Variants in UBE2L3 observed in about 807,000 individuals in gnomAD.
UBE2L3 encodes the protein ubiquitin-conjugating enzyme E2 L3.
Under a neutral mutation model 17.8 loss-of-function variants are expected in UBE2L3, and 1 was observed. The ratio of observed to expected loss-of-function variants is 0.06; its 90% confidence interval spans 0.02 to 0.27. The LOEUF (loss-of-function observed/expected upper bound fraction) is 0.27, where lower values mean the gene tolerates loss of function less well. Among genes scored for constraint, UBE2L3 ranks in the 10% least tolerant of loss-of-function variants. UBE2L3 has a pLI of 1.00. For missense variants in UBE2L3, 40 were observed against 192.6 expected, an observed-to-expected ratio of 0.21 and a Z score of 4.69; for synonymous variants, 44 against 68.5, an observed-to-expected ratio of 0.64 and a Z score of 1.76.
At chr22:21,614,217 A>G (rs563978652) in intron 3 of UBE2L3, among the ~76,000 whole-genome samples, 2 of 152,258 alleles carry the variant, frequency 1.3e-5, no homozygotes, top group East Asian at 3.9e-4. Context: ...ACTGCTGTTC[A>G]GCTGCCACTG....
intron 1 of UBE2L3, among the ~76,000 whole-genome samples, chr22:21,555,993 G>A (rs1926211678): frequency 6.6e-6 from 1 of 152,204 alleles, no homozygotes. Flanking sequence ...CCAGCCCTTT[G>A]GGAGGCGGGG....
chr22:21,586,067 C>T (rs1358973025), intron 1 of UBE2L3, among the ~76,000 whole-genome samples: 3 of 152,034 alleles, frequency 2.0e-5, no homozygotes, highest in African/African-American at 7.2e-5. Flanking sequence ...TCCTGAGTAG[C>T]TGGGACCACA....
chr22:21,587,336 A>G (rs1247051065), intron 1 of UBE2L3, among the ~76,000 whole-genome samples: 4 of 152,044 alleles, frequency 2.6e-5, no homozygotes, highest in Non-Finnish European at 5.9e-5. Flanking sequence ...GACTACAGGC[A>G]GGCGCCACCA....
chr22:21,603,216 G>T (rs566520111), intron 2 of UBE2L3, among the ~76,000 whole-genome samples: 3 of 152,038 alleles, frequency 2.0e-5, no homozygotes, highest in South Asian at 2.1e-4. Context: ...TTTAAAACCG[G>T]TATCTTTCTT....
intron 1 of UBE2L3, among the ~76,000 whole-genome samples, chr22:21,571,657 C>T (rs773591524): frequency 2.3e-4 from 35 of 152,206 alleles, no homozygotes; most frequent in Non-Finnish European, 4.7e-4. Context: ...CCGCCGAGGC[C>T]TCCCGAAGTG....
At chr22:21,609,426 T>C (rs1351264902) in intron 2 of UBE2L3, among the ~76,000 whole-genome samples, 1 of 152,004 alleles carries the variant, frequency 6.6e-6, no homozygotes, top group South Asian at 2.1e-4. Context: ...AAGAAATGAG[T>C]CTGGGTGCAG....
chr22:21,611,784 A>G (rs1225853808), intron 3 of UBE2L3, among the ~76,000 whole-genome samples: 1 of 152,192 alleles, frequency 6.6e-6, no homozygotes, highest in Non-Finnish European at 1.5e-5. Flanking sequence ...TTTCTTTTGA[A>G]GTCCTAATCT....
intron 3 of UBE2L3, among the ~76,000 whole-genome samples, chr22:21,616,929 G>C (rs965728077): frequency 6.6e-6 from 1 of 151,450 alleles, no homozygotes. Context: ...AGAACAAAAG[G>C]GCCAGGCACG....
At chr22:21,563,009 C>G (rs937868292), upstream of UBE2L3, among the ~76,000 whole-genome samples, 2 of 151,348 alleles carry the variant, frequency 1.3e-5, no homozygotes, top group African/African-American at 4.9e-5. Flanking sequence ...TTTGGGAGGC[C>G]GAAATGGGCG....
chr22:21,565,971 C>CTT (rs527289152), upstream of UBE2L3, among the ~76,000 whole-genome samples: 1,362 of 122,632 alleles, frequency 0.011, 34 homozygotes, highest in African/African-American at 0.034. Flanking sequence ...CAGAGTACTC[C>CTT]TTTTTTTTTT....
rs535598910 is a variant in UBE2L3 at position 21,599,752 on chromosome 22, G to A, written c.123+6796G>A. Among the ~76,000 whole-genome samples, 7 of 152,284 alleles carry A rather than the reference G, an allele frequency of 4.6e-5. No homozygotes were observed. In the South Asian group the frequency reaches 8.3e-4, roughly 18 times the overall value. ...TTGGGCTGTGCAGCAGAGGCCTGAC[G>A]GCATCCTGGGGAATGGGGTGTCTGG... On this transcript the variant is annotated intron_variant, in intron 2 of 3. Coordinates refer to ENST00000342192, the MANE Select transcript of UBE2L3 (RefSeq NM_003347.4).
intron 2 of UBE2L3, among the ~76,000 whole-genome samples, chr22:21,597,775 ATTTTTTTTTTTTTTTT>A (rs35054754): frequency 3.9e-5 from 1 of 25,554 alleles, no homozygotes; most frequent in Non-Finnish European, 6.9e-5. Flanking sequence ...TTATATGTAG[ATTTTTTTTTTTTTTTT>A]TTTTTTTTTT....
chr22:21,561,646 A>G (rs1488896057), intron 1 of UBE2L3, among the ~76,000 whole-genome samples: 1 of 152,202 alleles, frequency 6.6e-6, no homozygotes, highest in Non-Finnish European at 1.5e-5. Flanking sequence ...TGATAAATTG[A>G]GTCCCTGCCA....
intron 1 of UBE2L3, among the ~76,000 whole-genome samples, chr22:21,557,295 A>G (rs1926267145): frequency 6.6e-6 from 1 of 152,250 alleles, no homozygotes; most frequent in Non-Finnish European, 1.5e-5. Context: ...TGAGCCTGGG[A>G]GGCAGAGGTT....
intron 1 of UBE2L3, among the ~76,000 whole-genome samples, chr22:21,569,770 A>T (rs115641438): frequency 1.9e-4 from 29 of 152,304 alleles, no homozygotes; most frequent in African/African-American, 6.5e-4. Flanking sequence ...ATGCATGATC[A>T]TGTTTAATCC....
chr22:21,587,957 G>A (rs758652572), intron 1 of UBE2L3, among the ~76,000 whole-genome samples: 7 of 152,188 alleles, frequency 4.6e-5, no homozygotes, highest in Admixed American at 6.6e-5. Context: ...ATTCTGAGAA[G>A]CATTGCTCTC....
intron 1 of UBE2L3, among the ~76,000 whole-genome samples, chr22:21,569,600 C>T (rs1285098226): frequency 3.9e-5 from 6 of 152,142 alleles, no homozygotes; most frequent in Admixed American, 2.6e-4. Flanking sequence ...GTGTTATTGT[C>T]CTCAGCAGTT....
At chr22:21,567,982 G>T in intron 1 of UBE2L3, 2 of 1,365,902 alleles carry the variant, frequency 1.5e-6, no homozygotes, top group South Asian at 3.5e-5. Context: ...GCTGGGAGCC[G>T]CTGTCGGCCC....
intron 1 of UBE2L3, among the ~76,000 whole-genome samples, chr22:21,552,808 C>T (rs1364730309): frequency 2.3e-4 from 27 of 116,136 alleles, no homozygotes; most frequent in African/African-American, 9.1e-4. Flanking sequence ...ACTGCAAGCT[C>T]CGCCTCCTGA....
Sources: allele counts gnomAD v4.1 joint callset (sites outside exome capture counted in the v4.1 genomes callset), GRCh38; gene constraint gnomAD v4.1.1; transcripts MANE v1.5; gene names NCBI Gene and HGNC (gene_info 2026-07-23, HGNC 2026-07-21).